The following MSI2 variants were observed in gnomAD, a reference collection of about 807,000 sequenced individuals.
MSI2 encodes the protein musashi RNA binding protein 2.
A neutral mutation model predicts 45.6 loss-of-function variants in MSI2; 17 were observed. That is an observed-to-expected ratio of 0.37 (90% CI 0.26 to 0.56). MSI2 has a LOEUF of 0.56. Ranked by LOEUF, MSI2 falls within the 20% of genes least tolerant of loss-of-function variation. The pLI is 0.77. For synonymous variants in MSI2, 156 were observed against 158.2 expected (o/e 0.99, Z 0.11); for missense variants, 293 against 444.2 (o/e 0.66, Z 3.06).
chr17:57,670,262 G>A (rs1395408623), intron 11 of MSI2, among the ~76,000 whole-genome samples: 1 of 152,146 alleles, frequency 6.6e-6, no homozygotes, highest in Non-Finnish European at 1.5e-5. Flanking sequence ...CCCACAGTGA[G>A]GCTGTTCTGA....
At chr17:57,382,480 T>C (rs2083613808) in intron 5 of MSI2, among the ~76,000 whole-genome samples, 1 of 152,176 alleles carries the variant, frequency 6.6e-6, no homozygotes, top group Non-Finnish European at 1.5e-5. Flanking sequence ...AGGATATTCC[T>C]GGGTGAGGGA....
intron 5 of MSI2, chr17:57,266,773 G>C (rs1459166144): frequency 6.6e-6 from 1 of 152,270 alleles, no homozygotes; most frequent in Non-Finnish European, 1.5e-5. Flanking sequence ...GCTGCTGTTT[G>C]GTAACTAAAT....
At chr17:57,325,916 G>T (rs528971604) in intron 5 of MSI2, among the ~76,000 whole-genome samples, 1 of 152,116 alleles carries the variant, frequency 6.6e-6, no homozygotes, top group Non-Finnish European at 1.5e-5. Context: ...CTTAGACTGC[G>T]CTCCATGACC....
chr17:57,507,179 G>T (rs1443254175), intron 6 of MSI2, among the ~76,000 whole-genome samples: 2 of 149,420 alleles, frequency 1.3e-5, no homozygotes, highest in African/African-American at 5.0e-5. Flanking sequence ...GTGTGTTGGG[G>T]GGGGGGGGTG....
chr17:57,300,009 C>T (rs796970904), intron 5 of MSI2, among the ~76,000 whole-genome samples: 11 of 152,290 alleles, frequency 7.2e-5, no homozygotes, highest in African/African-American at 1.9e-4. Flanking sequence ...TCTGGCTTGT[C>T]GCTTCCTTCA....
chr17:57,296,749 CT>C (rs1441216918), intron 5 of MSI2, among the ~76,000 whole-genome samples: 1 of 152,052 alleles, frequency 6.6e-6, no homozygotes, highest in Non-Finnish European at 1.5e-5. Context: ...GTGTTAATTT[CT>C]TAGTTTGATC....
intron 5 of MSI2, among the ~76,000 whole-genome samples, chr17:57,360,912 G>A (rs1472852832): frequency 6.6e-6 from 1 of 152,190 alleles, no homozygotes; most frequent in South Asian, 2.1e-4. Context: ...TGGTTAAGGT[G>A]AAGATGCAGA....
chr17:57,673,895 G>T (rs925866636), intron 11 of MSI2, among the ~76,000 whole-genome samples: 2 of 151,958 alleles, frequency 1.3e-5, no homozygotes, highest in African/African-American at 4.8e-5. Context: ...GTCAGCTATG[G>T]TTTAGCTATG....
At chr17:57,292,358 G>T (rs1487802761) in intron 5 of MSI2, among the ~76,000 whole-genome samples, 2 of 152,194 alleles carry the variant, frequency 1.3e-5, no homozygotes, top group African/African-American at 2.4e-5. Flanking sequence ...GTCATGGACT[G>T]GGGGAGACCA....
intron 11 of MSI2, among the ~76,000 whole-genome samples, chr17:57,671,778 G>A (rs1912799369): frequency 6.6e-6 from 1 of 152,256 alleles, no homozygotes; most frequent in Admixed American, 6.5e-5. Flanking sequence ...AACAGCTACT[G>A]ACAAGTTTAT....
chr17:57,462,517 C>T (rs944417770), intron 6 of MSI2, among the ~76,000 whole-genome samples: 1 of 152,224 alleles, frequency 6.6e-6, no homozygotes, highest in African/African-American at 2.4e-5. Context: ...TGACTAACTC[C>T]TCTGTGTAGG....
chr17:57,443,660 C>A (rs2084843015), intron 6 of MSI2, among the ~76,000 whole-genome samples: 1 of 152,172 alleles, frequency 6.6e-6, no homozygotes, highest in South Asian at 2.1e-4. Context: ...TCCCTGCCCC[C>A]TGAATGTGTT....
chr17:57,575,626 T>A (rs1039665076), intron 7 of MSI2, among the ~76,000 whole-genome samples: 2 of 151,862 alleles, frequency 1.3e-5, no homozygotes, highest in Admixed American at 6.6e-5. Context: ...CAGATTCCAC[T>A]CCCCCTGGCC....
intron 5 of MSI2, among the ~76,000 whole-genome samples, chr17:57,385,329 C>T (rs1598199501): frequency 6.6e-6 from 1 of 152,210 alleles, no homozygotes; most frequent in East Asian, 1.9e-4. Flanking sequence ...CTCAGACCCT[C>T]CTTTTCACTT....
At position 57,256,583 on chromosome 17, in the gene MSI2, C is replaced by A; in HGVS notation, c.-160C>A. ...CGTGTGACGGCTCTCGCCGCTGCCC[C>A]GGCTCCGCCGCTCGCAGAGAGATTC... On this transcript the variant is annotated 5_prime_UTR_variant, in exon 1 of 14. Coordinates refer to ENST00000284073, the MANE Select transcript of MSI2 (RefSeq NM_138962.4). The A allele has an allele frequency of 2.6e-6, 1 of 385,958 alleles. No individual in the cohort carries two copies. Among genetic ancestry groups the A allele is most frequent in the Non-Finnish European group, 4.4e-6 (1 of 225,898 alleles). The allele number at this position is 385,958 out of a possible 1,614,324, so 23.9% of individuals were successfully genotyped here. A position where few individuals can be genotyped will look rare whatever the true frequency, so the allele number is the denominator to read the frequency against.
At chr17:57,359,482 C>T (rs1469771595) in intron 5 of MSI2, among the ~76,000 whole-genome samples, 1 of 152,130 alleles carries the variant, frequency 6.6e-6, no homozygotes, top group Non-Finnish European at 1.5e-5. Context: ...TTAGTTTCTT[C>T]AACTATAAAA....
At chr17:57,346,164 C>T (rs1028086545) in intron 5 of MSI2, among the ~76,000 whole-genome samples, 1 of 152,066 alleles carries the variant, frequency 6.6e-6, no homozygotes, top group African/African-American at 2.4e-5. Context: ...TATTTTATCA[C>T]CATAAAAACA....
chr17:57,595,383 A>G (rs909701913), intron 7 of MSI2, among the ~76,000 whole-genome samples: 1 of 152,044 alleles, frequency 6.6e-6, no homozygotes, highest in Non-Finnish European at 1.5e-5. Flanking sequence ...GTGTTCAGCC[A>G]GGTTCATACC....
chr17:57,558,151 A>T (rs184060763), intron 7 of MSI2, among the ~76,000 whole-genome samples: 1 of 152,306 alleles, frequency 6.6e-6, no homozygotes, highest in East Asian at 1.9e-4. Context: ...GGAAAAGGAC[A>T]TGCTTAGATT....
Sources: allele counts gnomAD v4.1 joint callset (sites outside exome capture counted in the v4.1 genomes callset), GRCh38; gene constraint gnomAD v4.1.1; transcripts MANE v1.5; gene names NCBI Gene and HGNC (gene_info 2026-07-23, HGNC 2026-07-21).